The following CSMD3 variants were observed in gnomAD, a reference collection of about 807,000 sequenced individuals.
The protein encoded by CSMD3 is CUB and sushi domain-containing protein 3.
A neutral mutation model predicts 435.2 loss-of-function variants in CSMD3; 177 were observed. The ratio of observed to expected loss-of-function variants is 0.41; its 90% CI spans 0.36 to 0.46. The LOEUF (loss-of-function observed/expected upper bound fraction) is 0.46. CSMD3 is among the 20% of genes least tolerant of loss of function. The pLI, the probability that CSMD3 is intolerant of heterozygous loss-of-function variation, is 0.34. For synonymous variants in CSMD3, 1,656 were observed against 1,520.5 expected, an observed-to-expected ratio of 1.09 and a Z score of -2.07; for missense variants, 4,265 against 4,504.6, an observed-to-expected ratio of 0.95 and a Z score of 1.52.
Position 113,314,374 on chromosome 8 carries a change from T to C in CSMD3, c.401+197A>G, listed in dbSNP as rs2093893767. Reference sequence around the variant, plus strand: ...TATTCACCTTTGTGAGACATAGTATTAATGTACTAGCAATATGACATCAGA... The same window carrying C: ...TATTCACCTTTGTGAGACATAGTATCAATGTACTAGCAATATGACATCAGA... On this transcript the variant is annotated intron_variant, in intron 2 of 70. Transcript: ENST00000297405. 6 of 577,080 alleles carry C rather than the reference T, an allele frequency of 1.0e-5. No homozygotes were observed. In the South Asian group the frequency reaches 1.2e-4, roughly 12 times the overall value. 35.7% of individuals were successfully genotyped at this position (577,080 alleles called of 1,614,324 possible).
intron 22 of CSMD3, among the ~76,000 whole-genome samples, chr8:112,608,359 C>T (rs1242292961): frequency 6.6e-6 from 1 of 151,938 alleles, no homozygotes; most frequent in Admixed American, 6.6e-5. Context: ...TGTAGAAATA[C>T]CTATACGTTC....
intron 38 of CSMD3, among the ~76,000 whole-genome samples, chr8:112,359,298 T>C (rs1826945334): frequency 6.6e-6 from 1 of 152,188 alleles, no homozygotes; most frequent in South Asian, 2.1e-4. Context: ...AGATTATTTC[T>C]CTCTGATAGA....
chr8:112,323,292 C>T (rs1240260761), intron 45 of CSMD3, among the ~76,000 whole-genome samples: 2 of 152,022 alleles, frequency 1.3e-5, no homozygotes, highest in East Asian at 1.9e-4. Flanking sequence ...CTAGTATGTT[C>T]TTTAACATAA....
intron 5 of CSMD3, among the ~76,000 whole-genome samples, chr8:113,067,668 T>C (rs1407461177): frequency 1.3e-5 from 2 of 152,052 alleles, no homozygotes; most frequent in East Asian, 3.9e-4. Context: ...TGACGGAAAA[T>C]TTTACAGCAG....
chr8:113,204,060 G>C (rs974305159), intron 3 of CSMD3, among the ~76,000 whole-genome samples: 2 of 151,824 alleles, frequency 1.3e-5, no homozygotes, highest in African/African-American at 4.8e-5. Flanking sequence ...ATAATTTTCT[G>C]TCGTAATATT....
intron 24 of CSMD3, among the ~76,000 whole-genome samples, chr8:112,557,832 A>T (rs1017254002): frequency 1.6e-4 from 24 of 151,950 alleles, no homozygotes; most frequent in South Asian, 6.2e-4. Context: ...GAGTTTTGTG[A>T]GCATTCTAGC....
chr8:113,214,716 G>T (rs1248286552), intron 3 of CSMD3, among the ~76,000 whole-genome samples: 1 of 151,774 alleles, frequency 6.6e-6, no homozygotes, highest in Admixed American at 6.6e-5. Context: ...ATACTATGGA[G>T]AATGGATAAT....
At chr8:113,174,056 C>T (rs2092311488) in intron 3 of CSMD3, 140 bp from the exon 4 acceptor site, 4 of 682,654 alleles carry the variant, frequency 5.9e-6, no homozygotes, top group Non-Finnish European at 1.0e-5. Flanking sequence ...GTCTTCTATT[C>T]CAATACATGT....
rs2130578869 is a variant in CSMD3, at chr8:112,281,250, T to A, written c.9432A>T (p.Gly3144=). 4.3e-6 allele frequency: 7 copies of A among 1,613,380 alleles called. No individual in the cohort carries two copies. Among genetic ancestry groups the A allele is most frequent in the Non-Finnish European group, 5.9e-6 (7 of 1,179,448 alleles). Residue 3144 remains glycine (G), a synonymous_variant, in exon 59 of 71, where the codon GGA becomes GGT. Coordinates refer to ENST00000297405, the MANE Select transcript of CSMD3 (RefSeq NM_198123.2). The part of the protein sequence containing the change: ...SSSVIYSCME[G]YILSGPSVRQ... ...TAACTGAAGGTCCAGAAAGGATGTA[T>A]CCCTCCATGCAGGAATAAATGACTG...
intron 5 of CSMD3, among the ~76,000 whole-genome samples, chr8:113,047,037 G>T (rs554394573): frequency 6.6e-6 from 1 of 152,318 alleles, no homozygotes; most frequent in Non-Finnish European, 1.5e-5. Flanking sequence ...CAGGTTGATG[G>T]AGTTCTGCAG....
At chr8:113,083,658 G>C (rs1301381365) in intron 5 of CSMD3, among the ~76,000 whole-genome samples, 1 of 151,984 alleles carries the variant, frequency 6.6e-6, no homozygotes. Flanking sequence ...AAAACAATAA[G>C]AAAACAACAA....
intron 13 of CSMD3, among the ~76,000 whole-genome samples, chr8:112,715,852 A>T (rs899037865): frequency 1.3e-5 from 2 of 152,214 alleles, no homozygotes; most frequent in South Asian, 4.1e-4. Context: ...GATGCAGAAA[A>T]GGCCTTTGCT....
At chr8:112,589,562 A>C (rs947266794) in intron 22 of CSMD3, among the ~76,000 whole-genome samples, 11 of 152,214 alleles carry the variant, frequency 7.2e-5, no homozygotes, top group Non-Finnish European at 1.3e-4. Flanking sequence ...CAGCAAAAAT[A>C]TCATAACTTC....
intron 45 of CSMD3, among the ~76,000 whole-genome samples, chr8:112,320,496 C>CT (rs939467210): frequency 1.9e-4 from 29 of 151,546 alleles, no homozygotes; most frequent in Non-Finnish European, 3.1e-4. Flanking sequence ...TGCCCCCATT[C>CT]TTTTTTTTTA....
At chr8:113,020,194 A>C (rs1044872511) in intron 5 of CSMD3, among the ~76,000 whole-genome samples, 20 of 150,030 alleles carry the variant, frequency 1.3e-4, no homozygotes, top group African/African-American at 4.6e-4. Context: ...AAAAAAAAGA[A>C]TATATAATTC....
intron 9 of CSMD3, among the ~76,000 whole-genome samples, chr8:112,932,570 G>A (rs577745634): frequency 2.6e-5 from 4 of 152,210 alleles, no homozygotes; most frequent in South Asian, 4.1e-4. Flanking sequence ...CCCAGAAGGC[G>A]GAGCTCGCAG....
intron 22 of CSMD3, among the ~76,000 whole-genome samples, chr8:112,621,287 A>G (rs1405421311): frequency 6.6e-6 from 1 of 152,108 alleles, no homozygotes; most frequent in Non-Finnish European, 1.5e-5. Flanking sequence ...ATGGCAAAAT[A>G]TCAATAATTG....
At chr8:112,390,429 A>G (rs1830311640) in intron 36 of CSMD3, among the ~76,000 whole-genome samples, 1 of 152,172 alleles carries the variant, frequency 6.6e-6, no homozygotes, top group Non-Finnish European at 1.5e-5. Flanking sequence ...TGCTTACCTC[A>G]AGATTCCATG....
intron 27 of CSMD3, among the ~76,000 whole-genome samples, chr8:112,528,834 G>T (rs375972128): frequency 2.0e-5 from 3 of 152,170 alleles, no homozygotes; most frequent in African/African-American, 7.2e-5. Flanking sequence ...TCCCAGAGGA[G>T]AAAGGCCTTG....
Sources: allele counts gnomAD v4.1 joint callset (sites outside exome capture counted in the v4.1 genomes callset), GRCh38; gene constraint gnomAD v4.1.1; transcripts MANE v1.5; gene names NCBI Gene and HGNC (gene_info 2026-07-23, HGNC 2026-07-21).